The following COL4A2 variants were observed in gnomAD, a reference collection of about 807,000 sequenced individuals.
COL4A2 encodes collagen type IV alpha 2 chain.
COL4A2 carries 99 observed loss-of-function variants against 200.2 expected under a neutral mutation model. That is an observed-to-expected ratio of 0.49 (90% CI 0.42 to 0.58). The LOEUF (loss-of-function observed/expected upper bound fraction) is 0.58, where lower values mean the gene tolerates loss of function less well. Among genes scored for constraint, COL4A2 ranks in the 20% least tolerant of loss-of-function variants. The pLI is 0.00. For synonymous variants in COL4A2, 897 were observed against 900.6 expected, an observed-to-expected ratio of 1.00 and a Z score of 0.07; for missense variants, 1,950 against 2,314.1, an observed-to-expected ratio of 0.84 and a Z score of 3.23.
intron 4 of COL4A2, among the ~76,000 whole-genome samples, chr13:110,406,413 A>G (rs1879571057): frequency 6.6e-6 from 1 of 152,160 alleles, no homozygotes; most frequent in African/African-American, 2.4e-5. Flanking sequence ...GTGACAGCAT[A>G]AGCAGGAGCA....
chr13:110,310,248 G>T (rs1018873144), intron 3 of COL4A2, among the ~76,000 whole-genome samples: 1 of 152,134 alleles, frequency 6.6e-6, no homozygotes, highest in Non-Finnish European at 1.5e-5. Flanking sequence ...CAAAGTGCAG[G>T]CCCCCTAGAC....
chr13:110,359,032 A>G (rs1400813043), intron 4 of COL4A2, among the ~76,000 whole-genome samples: 1 of 152,248 alleles, frequency 6.6e-6, no homozygotes, highest in African/African-American at 2.4e-5. Context: ...TAAAGAAAAA[A>G]GTAGTTGCAT....
intron 3 of COL4A2, among the ~76,000 whole-genome samples, chr13:110,350,559 G>A (rs1238808115): frequency 2.0e-5 from 3 of 152,170 alleles, no homozygotes; most frequent in African/African-American, 7.2e-5. Flanking sequence ...ACTGAGTCAT[G>A]GAACATGCTG....
intron 14 of COL4A2, 104 bp from the exon 15 acceptor site, chr13:110,438,514 G>A (rs773826011): frequency 9.6e-6 from 14 of 1,455,124 alleles, no homozygotes; most frequent in African/African-American, 1.4e-5. Flanking sequence ...GACACCATCG[G>A]GGCTGAGAAC....
At chr13:110,356,193 A>G (rs939949361) in intron 3 of COL4A2, among the ~76,000 whole-genome samples, 2 of 152,224 alleles carry the variant, frequency 1.3e-5, no homozygotes, top group African/African-American at 2.4e-5. Flanking sequence ...AACTCCCTCC[A>G]TTTCCCACTG....
intron 3 of COL4A2, among the ~76,000 whole-genome samples, chr13:110,317,008 A>G (rs1461095546): frequency 1.3e-5 from 2 of 152,144 alleles, no homozygotes; most frequent in Non-Finnish European, 2.9e-5. Context: ...CTGTACTCAC[A>G]CACACACAGA....
At chr13:110,481,548 T>A (rs868212647) in intron 31 of COL4A2, among the ~76,000 whole-genome samples, 12 of 129,438 alleles carry the variant, frequency 9.3e-5, no homozygotes, top group African/African-American at 3.7e-4. Context: ...GGAGACACAC[T>A]GCTCTGTCCT....
Position 110,462,401 on chromosome 13 carries a change from T to C in COL4A2, c.1776+17T>C. 6.2e-7 allele frequency: 1 copy of C among 1,611,174 alleles called. No homozygotes were observed. The highest frequency in any genetic ancestry group is 2.2e-5 in the East Asian group (1 of 44,868). On this transcript the variant is annotated intron_variant, in intron 24 of 47. Coordinates refer to ENST00000360467, the MANE Select transcript of COL4A2 (RefSeq NM_001846.4). ...GGCCCTCCCGTGAGTAGCCACAAAC[T>C]GCGGCAGCTCCGTCCTCTCTTCTTC...
rs1025336659 is a variant in COL4A2, at chr13:110,465,282, C to T, written c.1777-123C>T. The T allele has an allele frequency of 1.3e-5, 17 of 1,275,812 alleles. No individual in the cohort carries two copies. The African/African-American group carries it at 1.4e-4, about 10-fold the overall frequency. 79.0% of individuals were successfully genotyped at this position (1,275,812 alleles called of 1,614,324 possible). ...CATGGCACTAGGTTCCTGTTCATCT[C>T]TGTTGTCTTTCTGTTCTGGATCCAT... is the stretch of plus-strand genomic sequence containing the variant. On this transcript the variant is annotated intron_variant, in intron 24 of 47. Coordinates refer to ENST00000360467, the MANE Select transcript of COL4A2 (RefSeq NM_001846.4).
Position 110,339,177 on chromosome 13 carries a change from G to A in COL4A2, c.100-18295G>A, listed in dbSNP as rs145560151. 6.0e-4 allele frequency among the ~76,000 whole-genome samples: 91 copies of A among 152,316 alleles called. 1 individual carries two copies. In the East Asian group the frequency reaches 0.015, roughly 25 times the overall value. ...TGTGATTGAGCTCAGAGAAACTTCAGTGACTTGATTTTAAATGGGCCAAAC... is the reference window on the plus strand; with the variant it reads ...TGTGATTGAGCTCAGAGAAACTTCAATGACTTGATTTTAAATGGGCCAAAC... On this transcript the variant is annotated intron_variant, in intron 3 of 47. Transcript: ENST00000360467.
intron 3 of COL4A2, among the ~76,000 whole-genome samples, chr13:110,308,846 A>C (rs1382530863): frequency 6.6e-6 from 1 of 152,178 alleles, no homozygotes; most frequent in Non-Finnish European, 1.5e-5. Flanking sequence ...AGCCACTTTT[A>C]CTGAGCTTTA....
chr13:110,312,555 A>AT (rs1885013309), intron 3 of COL4A2, among the ~76,000 whole-genome samples: 1 of 152,216 alleles, frequency 6.6e-6, no homozygotes, highest in Non-Finnish European at 1.5e-5. Context: ...TGATAATATA[A>AT]TGAAGAGATC....
chr13:110,428,694 CTG>C (rs1880563195), intron 7 of COL4A2, 111 bp downstream of exon 7: 1 of 531,464 alleles, frequency 1.9e-6, no homozygotes, highest in African/African-American at 2.0e-5. Flanking sequence ...GGAAGCATAA[CTG>C]TATGTTGACG....
intron 4 of COL4A2, among the ~76,000 whole-genome samples, chr13:110,389,940 T>C (rs1878925590): frequency 6.6e-6 from 1 of 152,172 alleles, no homozygotes; most frequent in Non-Finnish European, 1.5e-5. Context: ...CTCAAAAATA[T>C]CAGTGTTTCC....
chr13:110,311,250 A>G (rs576016448), intron 3 of COL4A2, among the ~76,000 whole-genome samples: 1 of 152,340 alleles, frequency 6.6e-6, no homozygotes, highest in African/African-American at 2.4e-5. Context: ...CCTGGGCTCT[A>G]GACTCAGTGT....
intron 30 of COL4A2, among the ~76,000 whole-genome samples, chr13:110,479,834 C>A (rs1411313783): frequency 1.3e-5 from 2 of 152,154 alleles, no homozygotes; most frequent in East Asian, 1.9e-4. Flanking sequence ...GGGACTAACT[C>A]CGGGCTGGAG....
rs1879925203 is a variant in COL4A2, at chr13:110,413,470, C to G, written c.181-11264C>G. 1.3e-5 allele frequency among the ~76,000 whole-genome samples: 2 copies of G among 152,156 alleles called. 1 individual carries two copies. The highest frequency in any genetic ancestry group is 2.9e-5 in the Non-Finnish European group (2 of 68,024). On this transcript the variant is annotated intron_variant, in intron 4 of 47. Transcript: ENST00000360467. ...TCCAGTTGTGAGGAGGGGAAGATGC[C>G]CCCAGAGAGCCCATGCTTGAGTCAC...
chr13:110,498,470 C>T (rs1883533892), intron 40 of COL4A2, among the ~76,000 whole-genome samples: 2 of 152,088 alleles, frequency 1.3e-5, no homozygotes, highest in South Asian at 4.1e-4. Flanking sequence ...CACACAGTGG[C>T]CCATAGAGGG....
Position 110,450,351 on chromosome 13 carries a change from C to A in COL4A2, c.1236C>A (p.Ile412=), listed in dbSNP as rs200132987. 3.1e-6 allele frequency: 5 copies of A among 1,613,560 alleles called. No individual in the cohort carries two copies. In the Admixed American group the frequency reaches 5.0e-5, roughly 16 times the overall value. ...GTGAGATGGGACCCAAGGGCTTCAT[C>A]GGAGACCCCGGCATCCCTGCGCTCT... is the stretch of plus-strand genomic sequence containing the variant. ...LPGEMGPKGF[I]GDPGIPALYG... is the part of the protein sequence containing the mutation. The change falls in exon 20 of 48, where the codon ATC becomes ATA. Residue 412 remains isoleucine (I), a synonymous_variant. Coordinates refer to ENST00000360467, the MANE Select transcript of COL4A2 (RefSeq NM_001846.4).
Sources: gnomAD v4.1 joint callset for allele counts (sites outside exome capture counted in the v4.1 genomes callset) on GRCh38, gnomAD v4.1.1 for gene constraint, MANE v1.5 for transcripts, NCBI Gene and HGNC (gene_info 2026-07-23, HGNC 2026-07-21) for gene names.